RAPGEF4: variants seen among roughly 807,000 people sequenced by gnomAD.
RAPGEF4 encodes Rap guanine nucleotide exchange factor 4.
In RAPGEF4, 66 loss-of-function variants were observed where a neutral mutation model predicts 147.9. The ratio of observed to expected loss-of-function variants is 0.45; its 90% CI spans 0.37 to 0.55. RAPGEF4 has a LOEUF of 0.55. Among genes scored for constraint, RAPGEF4 ranks in the 20% least tolerant of loss-of-function variants. RAPGEF4 has a pLI of 0.00. For synonymous variants in RAPGEF4, 419 were observed against 442.7 expected (o/e 0.95, Z 0.67); for missense variants, 1,071 against 1,257.3 (o/e 0.85, Z 2.24).
intron 10 of RAPGEF4, among the ~76,000 whole-genome samples, chr2:172,976,883 C>A (rs2105599120): frequency 6.6e-6 from 1 of 152,362 alleles, no homozygotes; most frequent in East Asian, 1.9e-4. Context: ...GCTTCCCTAT[C>A]CATCCCCATT....
At chr2:172,815,201 G>A (rs960106470) in intron 4 of RAPGEF4, among the ~76,000 whole-genome samples, 1 of 152,236 alleles carries the variant, frequency 6.6e-6, no homozygotes, top group African/African-American at 2.4e-5. Context: ...CCATCAGGCT[G>A]CAGGCTTCGC....
Position 172,990,808 on chromosome 2 carries a change from A to C in RAPGEF4, c.1375-2A>C. On this transcript the variant is annotated splice_acceptor_variant, in intron 14 of 30. Coordinates refer to ENST00000397081, the MANE Select transcript of RAPGEF4 (RefSeq NM_007023.4). LOFTEE classifies it high-confidence loss of function. ...TGTATGTGGTGTAATTTGTATTTGC[A>C]GGACGTGGAGGCGAATACAGTCAGA... The C allele has an allele frequency of 6.2e-7, 1 of 1,609,464 alleles. No homozygotes were observed. The highest frequency in any genetic ancestry group is 1.1e-5 in the South Asian group (1 of 90,728).
intron 19 of RAPGEF4, among the ~76,000 whole-genome samples, chr2:173,016,784 A>G (rs188628370): frequency 6.6e-6 from 1 of 152,216 alleles, no homozygotes; most frequent in Non-Finnish European, 1.5e-5. Flanking sequence ...AACTACTTAT[A>G]TGGAAAATTC....
At chr2:172,924,107 A>G (rs1379517032) in intron 6 of RAPGEF4, among the ~76,000 whole-genome samples, 2 of 152,232 alleles carry the variant, frequency 1.3e-5, no homozygotes, top group African/African-American at 4.8e-5. Context: ...TACACAAATC[A>G]TTTGCCAAAT....
intron 12 of RAPGEF4, among the ~76,000 whole-genome samples, chr2:172,987,826 C>A (rs1692430256): frequency 6.6e-6 from 1 of 152,140 alleles, no homozygotes; most frequent in South Asian, 2.1e-4. Flanking sequence ...ATATATAGTG[C>A]TGATTTGCAT....
intron 17 of RAPGEF4, among the ~76,000 whole-genome samples, chr2:173,006,693 A>G (rs920067389): frequency 2.0e-5 from 3 of 152,228 alleles, no homozygotes; most frequent in Non-Finnish European, 4.4e-5. Flanking sequence ...CTTGGGTTTT[A>G]TAAGTGGAAC....
chr2:172,989,122 C>T (rs1198120598), intron 14 of RAPGEF4, among the ~76,000 whole-genome samples: 2 of 152,208 alleles, frequency 1.3e-5, no homozygotes, highest in African/African-American at 4.8e-5. Flanking sequence ...ATAGGAATTG[C>T]CTTGGCAAAA....
chr2:172,955,138 C>T (rs1688597866), intron 6 of RAPGEF4, among the ~76,000 whole-genome samples: 1 of 152,198 alleles, frequency 6.6e-6, no homozygotes, highest in Non-Finnish European at 1.5e-5. Flanking sequence ...TGAGCAAGCA[C>T]TTGAGGAAAA....
At chr2:172,886,427 A>G (rs1697220711) in intron 4 of RAPGEF4, among the ~76,000 whole-genome samples, 1 of 152,274 alleles carries the variant, frequency 6.6e-6, no homozygotes, top group Non-Finnish European at 1.5e-5. Flanking sequence ...CTCTGAAAGA[A>G]GAGTCTCCTG....
chr2:172,958,564 A>G (rs1360734734), intron 6 of RAPGEF4, among the ~76,000 whole-genome samples: 3 of 152,234 alleles, frequency 2.0e-5, no homozygotes, highest in African/African-American at 7.2e-5. Context: ...CGTCTGCCAT[A>G]ACAGAGCATG....
At chr2:172,984,082 A>G (rs1412227479) in intron 11 of RAPGEF4, among the ~76,000 whole-genome samples, 2 of 152,210 alleles carry the variant, frequency 1.3e-5, no homozygotes, top group African/African-American at 4.8e-5. Context: ...CCACCCACTA[A>G]TAAAAAATGA....
intron 6 of RAPGEF4, among the ~76,000 whole-genome samples, chr2:172,955,720 G>C (rs1254035079): frequency 3.9e-5 from 6 of 152,194 alleles, no homozygotes; most frequent in African/African-American, 1.4e-4. Context: ...AACCGAGCAG[G>C]CCAAATGCAG....
intron 4 of RAPGEF4, among the ~76,000 whole-genome samples, chr2:172,858,693 G>C (rs980270384): frequency 5.9e-5 from 9 of 152,190 alleles, no homozygotes; most frequent in Non-Finnish European, 1.3e-4. Context: ...TAATTTATCT[G>C]GATGTTTGTG....
At chr2:172,849,575 G>A (rs1692586177) in intron 4 of RAPGEF4, among the ~76,000 whole-genome samples, 1 of 152,158 alleles carries the variant, frequency 6.6e-6, no homozygotes, top group African/African-American at 2.4e-5. Context: ...CTCTCTTCAG[G>A]GCCTTGTTTA....
At chr2:172,985,604 G>T (rs1234871789) in intron 12 of RAPGEF4, 111 bp downstream of exon 12, 20 of 1,529,088 alleles carry the variant, frequency 1.3e-5, no homozygotes, top group Non-Finnish European at 1.7e-5. Flanking sequence ...GTCTGGCTTG[G>T]TGACTTGGCA....
intron 17 of RAPGEF4, among the ~76,000 whole-genome samples, chr2:173,011,852 CAAAA>C (rs35418559): frequency 1.4e-5 from 2 of 143,416 alleles, no homozygotes; most frequent in Non-Finnish European, 3.1e-5. Flanking sequence ...GACTCCGTCT[CAAAA>C]AAAAAAAAAC....
intron 1 of RAPGEF4, among the ~76,000 whole-genome samples, chr2:172,738,352 G>C (rs1004666093): frequency 6.6e-6 from 1 of 152,230 alleles, no homozygotes; most frequent in Non-Finnish European, 1.5e-5. Context: ...TAGGCTTAGA[G>C]GGTAGGGGAG....
chr2:172,967,701 T>C (rs1392834325), intron 10 of RAPGEF4, among the ~76,000 whole-genome samples: 1 of 152,240 alleles, frequency 6.6e-6, no homozygotes, highest in Non-Finnish European at 1.5e-5. Context: ...CTGTCAAAAC[T>C]GAGTCCCCAT....
At chr2:173,034,378 G>A (rs747314626) in intron 27 of RAPGEF4, among the ~76,000 whole-genome samples, 3 of 152,150 alleles carry the variant, frequency 2.0e-5, no homozygotes, top group Non-Finnish European at 4.4e-5. Context: ...GACAGGGATC[G>A]GCTGTGCAGG....
Sources: allele counts gnomAD v4.1 joint callset (sites outside exome capture counted in the v4.1 genomes callset), GRCh38; gene constraint gnomAD v4.1.1; transcripts MANE v1.5; gene names NCBI Gene and HGNC (gene_info 2026-07-23, HGNC 2026-07-21).